PHKB: variants seen among roughly 807,000 people sequenced by gnomAD.
The protein encoded by PHKB is phosphorylase kinase regulatory subunit beta, also known as phosphorylase b kinase regulatory subunit beta.
PHKB carries 122 observed loss-of-function variants against 152.1 expected under a neutral mutation model. The ratio of observed to expected loss-of-function variants is 0.80; its 90% CI spans 0.69 to 0.93. The LOEUF (loss-of-function observed/expected upper bound fraction) is 0.93. Ranked by LOEUF, PHKB falls within the 40% of genes least tolerant of loss-of-function variation. The pLI is 0.00. For synonymous variants in PHKB, 436 were observed against 464.9 expected (o/e 0.94, Z 0.80); for missense variants, 1,304 against 1,328.4 (o/e 0.98, Z 0.29).
intron 1 of PHKB, among the ~76,000 whole-genome samples, chr16:47,490,929 C>G (rs868099442): frequency 1.3e-5 from 2 of 152,170 alleles, no homozygotes; most frequent in East Asian, 3.8e-4. Context: ...TTGTTTGAAC[C>G]TTCAGCTTTA....
At chr16:47,614,330 A>G (rs992571397) in intron 14 of PHKB, among the ~76,000 whole-genome samples, 27 of 152,160 alleles carry the variant, frequency 1.8e-4, no homozygotes, top group Non-Finnish European at 8.8e-5. Context: ...CTAGACATGA[A>G]ATTTGGGTGG....
intron 13 of PHKB, among the ~76,000 whole-genome samples, chr16:47,597,002 T>G (rs1277888239): frequency 3.3e-5 from 5 of 152,162 alleles, no homozygotes; most frequent in Non-Finnish European, 5.9e-5. Flanking sequence ...TTCATTATTC[T>G]TTGAAGAATT....
At chr16:47,483,385 CT>C (rs1229542809) in intron 1 of PHKB, among the ~76,000 whole-genome samples, 1 of 152,088 alleles carries the variant, frequency 6.6e-6, no homozygotes, top group Non-Finnish European at 1.5e-5. Context: ...TAGTGAAGTT[CT>C]TTTCCCCTCC....
chr16:47,633,175 C>T (rs1470488019), intron 14 of PHKB, among the ~76,000 whole-genome samples: 1 of 152,120 alleles, frequency 6.6e-6, no homozygotes, highest in East Asian at 1.9e-4. Context: ...CATGTACACT[C>T]TTTTATAGTG....
At chr16:47,564,054 T>C (rs964763299) in intron 7 of PHKB, among the ~76,000 whole-genome samples, 18 of 149,452 alleles carry the variant, frequency 1.2e-4, no homozygotes, top group African/African-American at 3.9e-4. Flanking sequence ...GTTTGTCACA[T>C]TTTTTTTTAA....
At chr16:47,665,928 T>C (rs1973529620) in intron 25 of PHKB, 1 of 1,602,998 alleles carries the variant, frequency 6.2e-7, no homozygotes, top group Admixed American at 1.7e-5. Flanking sequence ...GCCTGCTCTC[T>C]TCTTTGCCCC....
At chr16:47,513,617 C>T (rs1234687120) in intron 5 of PHKB, among the ~76,000 whole-genome samples, 1 of 152,146 alleles carries the variant, frequency 6.6e-6, no homozygotes, top group African/African-American at 2.4e-5. Flanking sequence ...GCCTCCAGGG[C>T]ACCAATAATT....
At chr16:47,520,591 A>C (rs532164085) in intron 6 of PHKB, among the ~76,000 whole-genome samples, 1 of 152,220 alleles carries the variant, frequency 6.6e-6, no homozygotes, top group Non-Finnish European at 1.5e-5. Context: ...CATCATATTC[A>C]AGCTTCAAAG....
chr16:47,516,120 G>T (rs1567288163), intron 6 of PHKB, among the ~76,000 whole-genome samples: 2 of 151,992 alleles, frequency 1.3e-5, no homozygotes, highest in African/African-American at 2.4e-5. Context: ...TAGAGACGGG[G>T]TTTCACCATG....
At chr16:47,661,856 A>G (rs1303480695) in intron 23 of PHKB, 56 bp downstream of exon 23, 1 of 1,010,402 alleles carries the variant, frequency 9.9e-7, no homozygotes, top group African/African-American at 1.6e-5. Context: ...CCTTGAACAT[A>G]TATCAAATAT....
chr16:47,670,993 C>T (rs985610401), intron 26 of PHKB, among the ~76,000 whole-genome samples: 1 of 152,094 alleles, frequency 6.6e-6, no homozygotes, highest in Admixed American at 6.5e-5. Context: ...CTTACTTCAC[C>T]CATACCCCCA....
intron 7 of PHKB, among the ~76,000 whole-genome samples, chr16:47,568,814 A>C (rs754982898): frequency 2.0e-4 from 30 of 152,082 alleles, no homozygotes; most frequent in Non-Finnish European, 3.8e-4. Context: ...TTTAATTTTC[A>C]TGTATTTGTG....
Position 47,524,071 on chromosome 16 carries a change from G to A in PHKB, c.594+8470G>A, listed in dbSNP as rs570444769. 8.6e-4 allele frequency among the ~76,000 whole-genome samples: 131 copies of A among 152,204 alleles called. 1 individual carries two copies. The highest frequency in any genetic ancestry group is 3.0e-3 in the African/African-American group (124 of 41,536). On this transcript the variant is annotated intron_variant, in intron 6 of 30. Coordinates refer to ENST00000323584, the MANE Select transcript of PHKB (RefSeq NM_000293.3). The stretch of plus-strand genomic sequence containing the variant: ...CCCAAAGCTCACTCTACTTAGTGAG[G>A]TTTCAGCCATTTTTCTTGATTTAAT...
intron 4 of PHKB, among the ~76,000 whole-genome samples, chr16:47,507,290 A>G (rs1275536886): frequency 6.6e-6 from 1 of 151,646 alleles, no homozygotes; most frequent in Non-Finnish European, 1.5e-5. Flanking sequence ...AAGCTACTTT[A>G]AATTCCTTAA....
intron 15 of PHKB, 110 bp downstream of exon 15, chr16:47,641,200 ACTCCTTTACAGGCTTT>A: frequency 1.2e-6 from 1 of 823,276 alleles, no homozygotes; most frequent in Non-Finnish European, 2.1e-6. Flanking sequence ...AACTTCAGAA[ACTCCTTTACAGGCTTT>A]CAAGGATATC....
intron 7 of PHKB, chr16:47,566,248 C>G (rs1971564276): frequency 1.2e-6 from 1 of 841,446 alleles, no homozygotes; most frequent in African/African-American, 1.7e-5. Context: ...AAGCTATCAT[C>G]ACCTCTTCTA....
chr16:47,647,313 C>T (rs992338935), intron 16 of PHKB, among the ~76,000 whole-genome samples: 1 of 151,736 alleles, frequency 6.6e-6, no homozygotes, highest in Non-Finnish European at 1.5e-5. Context: ...TAGTAGAGAC[C>T]GGGTTTCACC....
At chr16:47,547,216 TG>T (rs1971187343) in intron 6 of PHKB, among the ~76,000 whole-genome samples, 1 of 152,024 alleles carries the variant, frequency 6.6e-6, no homozygotes, top group Non-Finnish European at 1.5e-5. Flanking sequence ...AGACCGGAGC[TG>T]TTCGTATTCG....
At chr16:47,534,860 A>G (rs2151664214) in intron 6 of PHKB, among the ~76,000 whole-genome samples, 1 of 152,364 alleles carries the variant, frequency 6.6e-6, no homozygotes, top group Non-Finnish European at 1.5e-5. Context: ...ATGGGAAAGT[A>G]TTAGACAAAT....
Sources: gnomAD v4.1 joint callset for allele counts (sites outside exome capture counted in the v4.1 genomes callset) on GRCh38, gnomAD v4.1.1 for gene constraint, MANE v1.5 for transcripts, NCBI Gene and HGNC (gene_info 2026-07-23, HGNC 2026-07-21) for gene names.